The following CORIN variants were observed in gnomAD, a reference collection of about 807,000 sequenced individuals.
CORIN encodes atrial natriuretic peptide-converting enzyme.
CORIN carries 117 observed loss-of-function variants against 125.3 expected under a neutral mutation model. The observed-to-expected ratio is 0.93, with a 90% CI of 0.80 to 1.09. The LOEUF is 1.09. Among genes scored for constraint, CORIN ranks in the 50% least tolerant of loss-of-function variants. CORIN has a pLI of 0.00. For missense variants in CORIN, 1,253 were observed against 1,306.7 expected, an observed-to-expected ratio of 0.96 and a Z score of 0.63; for synonymous variants, 450 against 466.4, an observed-to-expected ratio of 0.96 and a Z score of 0.45.
rs77167220 is a variant in CORIN, at chr4:47,744,586, A to T, written c.618-3T>A. The T allele has an allele frequency of 3.6e-5, 10 of 279,590 alleles. No individual in the cohort carries two copies. In the South Asian group the frequency reaches 8.7e-4, roughly 24 times the overall value. The allele number at this position is 279,590 out of a possible 1,614,324, so 17.3% of individuals were successfully genotyped here. A position where few individuals can be genotyped will look rare whatever the true frequency, so the allele number is the denominator to read the frequency against. On this transcript the variant is annotated splice_region_variant and splice_polypyrimidine_tract_variant and intron_variant, in intron 4 of 21. Coordinates refer to ENST00000273857, the MANE Select transcript of CORIN (RefSeq NM_006587.4). ...ACCTACAGGGCAGGAGTCCATGACT[A>T]AAAAAAAAAAAAGAGAAAGGTGAAA...
chr4:47,699,424 A>T (rs1399751120), intron 5 of CORIN, among the ~76,000 whole-genome samples: 2 of 152,170 alleles, frequency 1.3e-5, no homozygotes, highest in East Asian at 1.9e-4. Context: ...AGTCTTCTTT[A>T]AAAAAACTGT....
rs554719772 is a variant in CORIN at position 47,832,667 on chromosome 4, G to A, written c.63+5220C>T. ...TTGCCATGTTGGCCAAGCTGGTCTC[G>A]AACTCCTGACCTCAGGTGATCCATC... is the stretch of plus-strand genomic sequence containing the variant. On this transcript the variant is annotated intron_variant, in intron 1 of 21. Coordinates refer to ENST00000273857, the MANE Select transcript of CORIN (RefSeq NM_006587.4). 4.6e-5 allele frequency among the ~76,000 whole-genome samples: 7 copies of A among 151,816 alleles called. No homozygotes were observed. The South Asian group carries it at 6.2e-4, about 14-fold the overall frequency.
chr4:47,629,581 G>C (rs1722726800), intron 16 of CORIN, among the ~76,000 whole-genome samples: 1 of 152,070 alleles, frequency 6.6e-6, no homozygotes, highest in African/African-American at 2.4e-5. Flanking sequence ...AAATGAAAAA[G>C]TTGTCTTCTT....
intron 20 of CORIN, 75 bp downstream of exon 20, chr4:47,603,322 T>C: frequency 6.8e-7 from 1 of 1,476,028 alleles, no homozygotes; most frequent in Non-Finnish European, 9.2e-7. Context: ...CAATTAAACT[T>C]CTTTCCTTTA....
At chr4:47,801,401 G>T (rs1408991167) in intron 2 of CORIN, among the ~76,000 whole-genome samples, 1 of 152,146 alleles carries the variant, frequency 6.6e-6, no homozygotes, top group Non-Finnish European at 1.5e-5. Flanking sequence ...TATAGCATTG[G>T]TCCCCCACCC....
intron 4 of CORIN, among the ~76,000 whole-genome samples, chr4:47,755,329 G>A (rs1729086887): frequency 6.6e-6 from 1 of 151,992 alleles, no homozygotes; most frequent in Admixed American, 6.6e-5. Flanking sequence ...CCATCTCATG[G>A]CCCAGAAACA....
intron 21 of CORIN, 97 bp from the exon 22 acceptor site, chr4:47,596,000 A>T (rs1261680027): frequency 1.7e-5 from 16 of 949,970 alleles, no homozygotes; most frequent in African/African-American, 3.3e-5. Flanking sequence ...AACCCAGATT[A>T]ACCAACTTGG....
At chr4:47,815,831 A>G (rs987371577) in intron 1 of CORIN, among the ~76,000 whole-genome samples, 1 of 152,154 alleles carries the variant, frequency 6.6e-6, no homozygotes, top group Admixed American at 6.5e-5. Context: ...TCACATCTTG[A>G]TTATTCGTTA....
chr4:47,714,337 C>G (rs1726992864), intron 5 of CORIN, among the ~76,000 whole-genome samples: 1 of 152,098 alleles, frequency 6.6e-6, no homozygotes, highest in African/African-American at 2.4e-5. Flanking sequence ...GAAAAAAAAT[C>G]TACTTTAGAT....
chr4:47,616,464 G>C (rs1208301936), intron 19 of CORIN, among the ~76,000 whole-genome samples: 2 of 152,028 alleles, frequency 1.3e-5, no homozygotes, highest in African/African-American at 4.8e-5. Flanking sequence ...GCTGAAAAAA[G>C]AGAAAAAGAG....
intron 1 of CORIN, among the ~76,000 whole-genome samples, chr4:47,819,626 A>G (rs1286666874): frequency 1.3e-5 from 2 of 152,208 alleles, no homozygotes; most frequent in African/African-American, 4.8e-5. Context: ...AATGGGAAGG[A>G]TAACGGGAGA....
Position 47,754,736 on chromosome 4 carries a change from A to C in CORIN, c.617+8643T>G, listed in dbSNP as rs141976440. ...AGCTGAGAAACTGAGATTTGCACTG[A>C]AGAGAAACAGGACTTCAGGTAGCAG... On this transcript the variant is annotated intron_variant, in intron 4 of 21. Coordinates refer to ENST00000273857, the MANE Select transcript of CORIN (RefSeq NM_006587.4). 3.5e-3 allele frequency among the ~76,000 whole-genome samples: 537 copies of C among 152,182 alleles called. 16 individuals carry two copies. Among genetic ancestry groups the C allele is most frequent in the Admixed American group, 0.032 (484 of 15,270 alleles).
chr4:47,780,968 TA>T (rs142636160), intron 3 of CORIN, among the ~76,000 whole-genome samples: 13 of 145,390 alleles, frequency 8.9e-5, no homozygotes, highest in Admixed American at 1.4e-4. Flanking sequence ...GTTTCAATAT[TA>T]AAAAAAAAAC....
intron 5 of CORIN, among the ~76,000 whole-genome samples, chr4:47,723,972 G>A (rs1241434639): frequency 7.4e-6 from 1 of 135,472 alleles, no homozygotes; most frequent in Non-Finnish European, 1.5e-5. Flanking sequence ...CTCCAGCCTG[G>A]ACGACAGAGT....
chr4:47,807,223 T>C (rs2109953352), intron 1 of CORIN, among the ~76,000 whole-genome samples, 176 bp from the exon 2 acceptor site: 1 of 152,350 alleles, frequency 6.6e-6, no homozygotes, highest in African/African-American at 2.4e-5. Flanking sequence ...CAGATAACTG[T>C]ACATCTACAT....
At chr4:47,596,774 AT>A (rs1721267786) in intron 21 of CORIN, among the ~76,000 whole-genome samples, 1 of 152,184 alleles carries the variant, frequency 6.6e-6, no homozygotes, top group South Asian at 2.1e-4. Context: ...AAGCATATCT[AT>A]GGTCTTCCTA....
At chr4:47,814,428 A>T (rs1188245082) in intron 1 of CORIN, among the ~76,000 whole-genome samples, 1 of 152,166 alleles carries the variant, frequency 6.6e-6, no homozygotes, top group Non-Finnish European at 1.5e-5. Flanking sequence ...CTGTCCGTAG[A>T]GCAAAAATTA....
rs1354740774 is a variant in CORIN at position 47,645,373 on chromosome 4, C to T, written c.1844-179G>A. Among the ~76,000 whole-genome samples, 6 of 142,372 alleles carry T rather than the reference C, an allele frequency of 4.2e-5. No homozygotes were observed. The Admixed American group carries it at 4.2e-4, about 10-fold the overall frequency. The allele number at this position is 142,372 out of a possible 152,430, so 93.4% of individuals were successfully genotyped here. On this transcript the variant is annotated intron_variant, in intron 13 of 21. Transcript: ENST00000273857. ...GGCGGATCACAAGGAATCACTTGAA[C>T]CCGGGAGGCGGAGGTTGCAGTGAGC...
At chr4:47,706,503 G>T (rs1726562790) in intron 5 of CORIN, 2 of 1,611,488 alleles carry the variant, frequency 1.2e-6, no homozygotes, top group East Asian at 4.5e-5. Context: ...GCCCCACCCG[G>T]CCTGATAAAG....
Sources: gnomAD v4.1 joint callset for allele counts (sites outside exome capture counted in the v4.1 genomes callset) on GRCh38, gnomAD v4.1.1 for gene constraint, MANE v1.5 for transcripts, NCBI Gene and HGNC (gene_info 2026-07-23, HGNC 2026-07-21) for gene names.